L3MBTL4: variants seen among roughly 807,000 people sequenced by gnomAD.
The protein encoded by L3MBTL4 is L3MBTL histone methyl-lysine binding protein 4, also known as lethal(3)malignant brain tumor-like protein 4.
In L3MBTL4, 70 loss-of-function variants were observed where a neutral mutation model predicts 84.5. The observed-to-expected ratio is 0.83, with a 90% confidence interval of 0.68 to 1.01. The LOEUF is 1.01. Among genes scored for constraint, L3MBTL4 ranks in the 50% least tolerant of loss-of-function variants. The pLI, the probability that L3MBTL4 is intolerant of heterozygous loss-of-function variation, is 0.00. For synonymous variants in L3MBTL4, 274 were observed against 259.8 expected (o/e 1.05, Z -0.52); for missense variants, 715 against 754.8 (o/e 0.95, Z 0.62).
chr18:6,363,382 A>G (rs2053795883), intron 1 of L3MBTL4, among the ~76,000 whole-genome samples: 1 of 151,972 alleles, frequency 6.6e-6, no homozygotes, highest in Non-Finnish European at 1.5e-5. Flanking sequence ...CTTTTCAACC[A>G]CTTCCCACCA....
chr18:6,003,155 AAAATATAGTATCTCTATTTATAGAGATAC>A (rs2054306853), intron 16 of L3MBTL4, among the ~76,000 whole-genome samples: 1 of 105,884 alleles, frequency 9.4e-6, no homozygotes, highest in Non-Finnish European at 1.9e-5. Flanking sequence ...GATACTATAT[AAAATATAGTATCTCTATTTATAGAGATAC>A]TATATAAAAT....
chr18:6,398,672 T>G (rs2055379106), intron 1 of L3MBTL4, among the ~76,000 whole-genome samples: 1 of 149,778 alleles, frequency 6.7e-6, no homozygotes, highest in African/African-American at 2.5e-5. Context: ...ATGTTTTGAT[T>G]GTGCCTCACA....
At chr18:6,139,934 C>T (rs1305758718) in intron 13 of L3MBTL4, among the ~76,000 whole-genome samples, 2 of 152,118 alleles carry the variant, frequency 1.3e-5, no homozygotes, top group Non-Finnish European at 1.5e-5. Flanking sequence ...CCATGTTCTG[C>T]TCTGTCCCAA....
At chr18:6,218,546 T>A (rs2046419433) in intron 10 of L3MBTL4, among the ~76,000 whole-genome samples, 1 of 152,170 alleles carries the variant, frequency 6.6e-6, no homozygotes, top group Non-Finnish European at 1.5e-5. Flanking sequence ...AGACTTGGCA[T>A]GCTACTGTGA....
intron 1 of L3MBTL4, among the ~76,000 whole-genome samples, chr18:6,384,294 C>T (rs542154477): frequency 1.3e-5 from 2 of 152,092 alleles, no homozygotes; most frequent in East Asian, 3.9e-4. Flanking sequence ...CATATATATA[C>T]ACACACACAA....
intron 1 of L3MBTL4, among the ~76,000 whole-genome samples, chr18:6,324,389 C>A (rs1187258492): frequency 1.3e-5 from 2 of 152,188 alleles, no homozygotes; most frequent in Non-Finnish European, 2.9e-5. Flanking sequence ...ACAGCTTGCA[C>A]GATGCTCCTG....
At chr18:6,113,841 T>A (rs1393337827) in intron 14 of L3MBTL4, among the ~76,000 whole-genome samples, 2 of 152,234 alleles carry the variant, frequency 1.3e-5, no homozygotes, top group African/African-American at 4.8e-5. Context: ...CAAGGTGTTT[T>A]AAGTTGTTCC....
chr18:6,359,581 C>T (rs116616800), intron 1 of L3MBTL4, among the ~76,000 whole-genome samples: 5,223 of 151,408 alleles, frequency 0.034, 288 homozygotes, highest in African/African-American at 0.12. Context: ...GAAACTATGA[C>T]ATATCTAAAA....
At chr18:6,046,201 A>T (rs947742906) in intron 16 of L3MBTL4, among the ~76,000 whole-genome samples, 1 of 152,208 alleles carries the variant, frequency 6.6e-6, no homozygotes, top group African/African-American at 2.4e-5. Flanking sequence ...CAACTAGAAG[A>T]CTTAGCTATC....
intron 5 of L3MBTL4, among the ~76,000 whole-genome samples, chr18:6,245,045 G>T (rs2047601600): frequency 6.6e-6 from 1 of 152,080 alleles, no homozygotes; most frequent in Non-Finnish European, 1.5e-5. Context: ...GAATAGCTAG[G>T]ATTACATACT....
chr18:5,974,930 T>A (rs144394733), intron 16 of L3MBTL4, among the ~76,000 whole-genome samples: 1 of 150,656 alleles, frequency 6.6e-6, no homozygotes, highest in Non-Finnish European at 1.5e-5. Flanking sequence ...CACCACTGCA[T>A]CCCAGTTTGG....
rs1178657136 is a variant in L3MBTL4 at position 6,345,225 on chromosome 18, A to AG, written c.-90-33170_-90-33169insC. ...ATCTCTACTAAAATACAAAAAAAAAAAAAAAAAAAAAGAAAAAAAAAAAGA... is the reference window on the plus strand; with the variant it reads ...ATCTCTACTAAAATACAAAAAAAAAAGAAAAAAAAAAAGAAAAAAAAAAAGA... On this transcript the variant is annotated intron_variant, in intron 1 of 18. Coordinates refer to ENST00000317931, the MANE Select transcript of L3MBTL4 (RefSeq NM_001330559.2). Among the ~76,000 whole-genome samples the AG allele has an allele frequency of 2.4e-3, 317 of 133,410 alleles. 4 individuals carry two copies. Among genetic ancestry groups the AG allele is most frequent in the Middle Eastern group, 0.011 (3 of 262 alleles). The allele number at this position is 133,410 out of a possible 152,430, so 87.5% of individuals were successfully genotyped here.
intron 16 of L3MBTL4, among the ~76,000 whole-genome samples, chr18:5,994,716 G>C (rs1431796163): frequency 6.6e-6 from 1 of 152,110 alleles, no homozygotes; most frequent in Non-Finnish European, 1.5e-5. Context: ...ACCTCCAGGA[G>C]GTAAGCGACT....
At chr18:6,314,081 GAT>G (rs2050971108) in intron 1 of L3MBTL4, among the ~76,000 whole-genome samples, 1 of 136,966 alleles carries the variant, frequency 7.3e-6, no homozygotes, top group Non-Finnish European at 1.6e-5. Context: ...TAGATAGATA[GAT>G]AGTCTAACAC....
intron 1 of L3MBTL4, among the ~76,000 whole-genome samples, chr18:6,412,478 T>C (rs2056008460): frequency 6.6e-6 from 1 of 152,164 alleles, no homozygotes; most frequent in Non-Finnish European, 1.5e-5. Context: ...GGAGGAGGGA[T>C]TGAAGCTTCT....
intron 12 of L3MBTL4, among the ~76,000 whole-genome samples, chr18:6,207,337 C>A (rs1355128506): frequency 6.6e-6 from 1 of 152,208 alleles, no homozygotes; most frequent in East Asian, 1.9e-4. Context: ...TGGTTCCCAC[C>A]TGGCTCTACC....
Position 6,092,432 on chromosome 18 carries a change from A to G in L3MBTL4, c.1373+923T>C, listed in dbSNP as rs143454894. ...AAACTCTGCACACACAGAGAGGCCTATGTGTCTTTATTTTACACCTGCTGA... is the reference window on the plus strand; with the variant it reads ...AAACTCTGCACACACAGAGAGGCCTGTGTGTCTTTATTTTACACCTGCTGA... On this transcript the variant is annotated intron_variant, in intron 15 of 18. Coordinates refer to ENST00000317931, the MANE Select transcript of L3MBTL4 (RefSeq NM_001330559.2). Among the ~76,000 whole-genome samples, 453 of 152,318 alleles carry G rather than the reference A, an allele frequency of 3.0e-3. 3 individuals are homozygous for G. The highest frequency in any genetic ancestry group is 0.011 in the African/African-American group (439 of 41,576).
chr18:6,091,801 A>C (rs2058467095), intron 15 of L3MBTL4, among the ~76,000 whole-genome samples: 1 of 152,224 alleles, frequency 6.6e-6, no homozygotes, highest in African/African-American at 2.4e-5. Flanking sequence ...AAATATTTAC[A>C]AGTGAAACTG....
chr18:6,246,868 C>A (rs2093011618), intron 5 of L3MBTL4, among the ~76,000 whole-genome samples: 1 of 152,000 alleles, frequency 6.6e-6, no homozygotes, highest in South Asian at 2.1e-4. Context: ...TGGGCCACTG[C>A]ACTCCAGCCT....
Sources: allele counts gnomAD v4.1 joint callset (sites outside exome capture counted in the v4.1 genomes callset), GRCh38; gene constraint gnomAD v4.1.1; transcripts MANE v1.5; gene names NCBI Gene and HGNC (gene_info 2026-07-23, HGNC 2026-07-21).